Variants in SHANK2 observed in about 807,000 individuals in gnomAD.
SHANK2 encodes SH3 and multiple ankyrin repeat domains protein 2.
SHANK2 carries 43 observed loss-of-function variants against 133.7 expected under a neutral mutation model. The ratio of observed to expected loss-of-function variants is 0.32; its 90% CI spans 0.25 to 0.41. The LOEUF (loss-of-function observed/expected upper bound fraction) is 0.41. Among genes scored for constraint, SHANK2 ranks in the 10% least tolerant of loss-of-function variants. The pLI is 1.00. For missense variants in SHANK2, 1,994 were observed against 2,235.8 expected (o/e 0.89, Z 2.18); for synonymous variants, 1,017 against 952.8 (o/e 1.07, Z -1.24).
Position 70,487,017 on chromosome 11 carries a change from C to T in SHANK2, c.3276G>A (p.Arg1092=). The part of the protein sequence containing the change: ...IAGAVRDREK[R]LEARRNSPAF... ...CCGGGGAGTTCCTCCTGGCTTCCAG[C>T]CGCTTCTCACGGTCGCGGACGGCTC... is the stretch of plus-strand genomic sequence containing the variant. The change falls in exon 25 of 26, where the codon CGG becomes CGA. Residue 1092 remains arginine (R), a synonymous_variant. Transcript: ENST00000601538. This position sits in a 1 kb window ranked among gnomAD's most constrained non-coding sequence, Gnocchi z 5.8. 6.2e-7 allele frequency: 1 copy of T among 1,610,156 alleles called. No individual in the cohort carries two copies. Among genetic ancestry groups the T allele is most frequent in the Non-Finnish European group, 8.5e-7 (1 of 1,179,726 alleles).
At chr11:70,840,479 A>C (rs985600928) in intron 11 of SHANK2, among the ~76,000 whole-genome samples, 2 of 152,202 alleles carry the variant, frequency 1.3e-5, no homozygotes, top group Non-Finnish European at 1.5e-5. Context: ...TCTGAGGAGC[A>C]TCCTTGTCTG....
chr11:70,877,588 C>T (rs1205188197), intron 11 of SHANK2, among the ~76,000 whole-genome samples: 1 of 152,168 alleles, frequency 6.6e-6, no homozygotes, highest in African/African-American at 2.4e-5. Flanking sequence ...TTGTACACAT[C>T]CGAGACTCCC....
At chr11:71,108,974 C>T (rs77641761) in intron 6 of SHANK2, among the ~76,000 whole-genome samples, 4,458 of 152,286 alleles carry the variant, frequency 0.029, 200 homozygotes, top group African/African-American at 0.098. Context: ...GGGGCTCCCA[C>T]AAATGATGAG....
At chr11:70,682,781 C>T (rs1294651483) in intron 15 of SHANK2, among the ~76,000 whole-genome samples, 1 of 152,108 alleles carries the variant, frequency 6.6e-6, no homozygotes, top group Non-Finnish European at 1.5e-5. Flanking sequence ...AACTCACTCT[C>T]TCAGGACCCA....
intron 17 of SHANK2, among the ~76,000 whole-genome samples, chr11:70,649,605 T>A (rs2134204490): frequency 6.6e-6 from 1 of 152,076 alleles, no homozygotes; most frequent in East Asian, 1.9e-4. Context: ...AAGAGCCTGC[T>A]GAGAACACTG....
intron 17 of SHANK2, among the ~76,000 whole-genome samples, chr11:70,529,930 C>T (rs2059446597): frequency 6.6e-6 from 1 of 152,130 alleles, no homozygotes; most frequent in African/African-American, 2.4e-5. Flanking sequence ...GGTTTTTTTG[C>T]TTACCAGTTA....
rs544375808 is a variant in SHANK2, at chr11:71,108,264, C to T, written c.592+1677G>A. On this transcript the variant is annotated intron_variant, in intron 6 of 25. Coordinates refer to ENST00000601538, the MANE Select transcript of SHANK2 (RefSeq NM_012309.5). ...GCTGCCACATCAGCGCAGCACGAGACGCATCCACGTCAGGGAAAGATGGTC... is the reference window on the plus strand; with the variant it reads ...GCTGCCACATCAGCGCAGCACGAGATGCATCCACGTCAGGGAAAGATGGTC... Among the ~76,000 whole-genome samples the T allele has an allele frequency of 2.1e-4, 32 of 152,320 alleles. 1 individual carries two copies. Among genetic ancestry groups the T allele is most frequent in the Admixed American group, 2.0e-3 (30 of 15,304 alleles).
rs146223727 is a variant in SHANK2, at chr11:70,893,566, A to T, written c.1174+2935T>A. Among the ~76,000 whole-genome samples, 5 of 152,358 alleles carry T rather than the reference A, an allele frequency of 3.3e-5. No individual in the cohort carries two copies. The East Asian group carries it at 9.6e-4, about 29-fold the overall frequency. On this transcript the variant is annotated intron_variant, in intron 11 of 25. Coordinates refer to ENST00000601538, the MANE Select transcript of SHANK2 (RefSeq NM_012309.5). ...TCTCTCTGCGGGAAACTTTCAACAC[A>T]ATTGATCTAAATGGCACAGTTTTTG...
At chr11:70,873,026 G>A (rs367841546) in intron 11 of SHANK2, 29 of 471,264 alleles carry the variant, frequency 6.2e-5, no homozygotes, top group South Asian at 9.3e-5. Context: ...AAGGAAGAGC[G>A]GAGGTAGTTC....
chr11:71,216,224 T>G (rs534185885), intron 2 of SHANK2, among the ~76,000 whole-genome samples: 5 of 152,234 alleles, frequency 3.3e-5, no homozygotes, highest in African/African-American at 1.2e-4. Context: ...ATGTCCAGCA[T>G]GTGATAAACA....
intron 14 of SHANK2, among the ~76,000 whole-genome samples, chr11:70,763,817 T>C (rs1187475701): frequency 1.3e-5 from 2 of 152,156 alleles, no homozygotes; most frequent in Non-Finnish European, 2.9e-5. Flanking sequence ...CACAGCCCCA[T>C]TGCAGGCTTA....
chr11:70,744,645 G>A (rs184995133), intron 14 of SHANK2, among the ~76,000 whole-genome samples: 16 of 152,342 alleles, frequency 1.1e-4, no homozygotes, highest in Admixed American at 2.0e-4. Context: ...CCCCTGCAGC[G>A]GTGACCGTGG....
chr11:70,570,490 G>A (rs1211836167), intron 17 of SHANK2: 1 of 152,276 alleles, frequency 6.6e-6, no homozygotes, highest in Non-Finnish European at 1.5e-5. Context: ...TCCCCAGGGA[G>A]GCCTTGCCCT....
chr11:70,625,330 C>T (rs1274607717), intron 17 of SHANK2, among the ~76,000 whole-genome samples: 1 of 152,164 alleles, frequency 6.6e-6, no homozygotes, highest in Non-Finnish European at 1.5e-5. Flanking sequence ...GCCTTGGTGG[C>T]AGGGCTTTAG....
chr11:70,526,880 C>T (rs557855399), intron 17 of SHANK2, among the ~76,000 whole-genome samples: 1 of 152,084 alleles, frequency 6.6e-6, no homozygotes, highest in East Asian at 1.9e-4. Context: ...GGGAGCCCCT[C>T]TGAGCCCACT....
chr11:70,828,312 AAAT>A (rs1243419680), intron 11 of SHANK2, among the ~76,000 whole-genome samples: 1 of 152,152 alleles, frequency 6.6e-6, no homozygotes, highest in Non-Finnish European at 1.5e-5. Flanking sequence ...AAAAACCCAG[AAAT>A]AACGATAAAC....
intron 17 of SHANK2, among the ~76,000 whole-genome samples, chr11:70,594,938 CA>C (rs1565161050): frequency 6.6e-6 from 1 of 151,982 alleles, no homozygotes; most frequent in African/African-American, 2.4e-5. Context: ...AGTAAAATTT[CA>C]AAAAAAGTGA....
In SHANK2 at chr11:70,855,754, G is replaced by C. The variant is rs115029264; in HGVS notation, c.1175-35072C>G. ...GAGGAAGGAAAGAAAAAAGAAAGGT[G>C]GGAAGAAAGGAAGGAGTTAAATCGA... On this transcript the variant is annotated intron_variant, in intron 11 of 25. Transcript: ENST00000601538. 4.5e-3 allele frequency among the ~76,000 whole-genome samples: 692 copies of C among 152,294 alleles called. 10 individuals carry two copies. The highest frequency in any genetic ancestry group is 0.016 in the African/African-American group (665 of 41,568).
chr11:70,650,375 G>C (rs1044317461), intron 17 of SHANK2, among the ~76,000 whole-genome samples: 7 of 152,212 alleles, frequency 4.6e-5, no homozygotes, highest in Non-Finnish European at 1.0e-4. Flanking sequence ...GGAGGGAGGG[G>C]ACATGCTGAG....
Sources: gnomAD v4.1 joint callset for allele counts (sites outside exome capture counted in the v4.1 genomes callset) on GRCh38, gnomAD v4.1.1 for gene constraint, Gnocchi (gnomAD v3.1) non-coding constraint, MANE v1.5 for transcripts, NCBI Gene and HGNC (gene_info 2026-07-23, HGNC 2026-07-21) for gene names.